The following DUOXA1 variants were observed in gnomAD, a reference collection of about 807,000 sequenced individuals.
DUOXA1 encodes the protein dual oxidase activator 1.
A neutral mutation model predicts 26.6 loss-of-function variants in DUOXA1; 19 were observed. The ratio of observed to expected loss-of-function variants is 0.71; its 90% CI spans 0.50 to 1.05. The LOEUF is 1.05. Ranked by LOEUF, DUOXA1 falls within the 50% of genes least tolerant of loss-of-function variation. DUOXA1 has a pLI of 0.00. For synonymous variants in DUOXA1, 166 were observed against 177.0 expected (o/e 0.94, Z 0.49); for missense variants, 403 against 427.5 (o/e 0.94, Z 0.51).
intron 3 of DUOXA1, among the ~76,000 whole-genome samples, chr15:45,125,254 G>A (rs1341131671): frequency 2.6e-5 from 4 of 152,104 alleles, no homozygotes. Flanking sequence ...CCATCCTCCT[G>A]GGCTCTAGCC....
In DUOXA1 at chr15:45,122,858, G is replaced by C; in HGVS notation, c.147+10C>G. ...CTCTGGGCTGGGGTCTCCAGGACTGGGTTTCTCACCGTCTTTCCCCGAATG... is the reference window on the plus strand; with the variant it reads ...CTCTGGGCTGGGGTCTCCAGGACTGCGTTTCTCACCGTCTTTCCCCGAATG... On this transcript the variant is annotated intron_variant, in intron 4 of 8. Coordinates refer to ENST00000560572, the MANE Select transcript of DUOXA1 (RefSeq NM_001276266.2). 1 of 1,604,238 alleles carries C rather than the reference G, an allele frequency of 6.2e-7. No individual in the cohort carries two copies. The highest frequency in any genetic ancestry group is 8.5e-7 in the Non-Finnish European group (1 of 1,175,694).
chr15:45,117,381 A>G lies in DUOXA1; in HGVS notation c.*1725T>C. 1 of 1,503,548 alleles carries G rather than the reference A, an allele frequency of 6.7e-7. No individual in the cohort carries two copies. Among genetic ancestry groups the G allele is most frequent in the Non-Finnish European group, 8.9e-7 (1 of 1,120,136 alleles). The allele number at this position is 1,503,548 out of a possible 1,614,324, so 93.1% of individuals were successfully genotyped here. ...ACACCGGGTGTGCACTTTCCAGTTT[A>G]CAGAATGAATTCACATCTATTACCC... is the stretch of plus-strand genomic sequence containing the variant. On this transcript the variant is annotated 3_prime_UTR_variant, in exon 9 of 9. Coordinates refer to ENST00000560572, the MANE Select transcript of DUOXA1 (RefSeq NM_001276266.2).
intron 3 of DUOXA1, among the ~76,000 whole-genome samples, chr15:45,128,543 A>T (rs1299298715): frequency 6.6e-6 from 1 of 152,226 alleles, no homozygotes; most frequent in East Asian, 1.9e-4. Context: ...CTCCTGTGCT[A>T]GACTTTCCTC....
In DUOXA1 at chr15:45,128,059, G is replaced by T. The variant is rs543817533; in HGVS notation, c.-30+959C>A. Among the ~76,000 whole-genome samples, 185 of 152,246 alleles carry T rather than the reference G, an allele frequency of 1.2e-3. 1 individual carries two copies. Among genetic ancestry groups the T allele is most frequent in the African/African-American group, 4.4e-3 (182 of 41,544 alleles). ...CTTTCTCACCTGGCCTAGGGAGGAG[G>T]AGGCAGCATCCTCCCTTTCCAGGCT... is the stretch of plus-strand genomic sequence containing the variant. On this transcript the variant is annotated intron_variant, in intron 3 of 8. Coordinates refer to ENST00000560572, the MANE Select transcript of DUOXA1 (RefSeq NM_001276266.2).
chr15:45,121,500 C>A (rs1895202738), intron 5 of DUOXA1, among the ~76,000 whole-genome samples: 1 of 152,202 alleles, frequency 6.6e-6, no homozygotes, highest in Non-Finnish European at 1.5e-5. Flanking sequence ...CCAGGCAAGG[C>A]AAACGCAGAT....
intron 3 of DUOXA1, among the ~76,000 whole-genome samples, chr15:45,126,567 C>G (rs1314658942): frequency 6.6e-6 from 1 of 152,240 alleles, no homozygotes; most frequent in Non-Finnish European, 1.5e-5. Context: ...ACAATGATTA[C>G]ATTGTACTCT....
Position 45,117,776 on chromosome 15 carries a change from C to G in DUOXA1, c.*1330G>C. 2 of 1,613,984 alleles carry G rather than the reference C, an allele frequency of 1.2e-6. No homozygotes were observed. Among genetic ancestry groups the G allele is most frequent in the Non-Finnish European group, 8.5e-7 (1 of 1,180,016 alleles). On this transcript the variant is annotated 3_prime_UTR_variant, in exon 9 of 9. Coordinates refer to ENST00000560572, the MANE Select transcript of DUOXA1 (RefSeq NM_001276266.2). ...AGTCTCCAGTATGTTCGGCCCAGCG[C>G]TCTTCGCACCCTTCTGGACCAAAGC...
Position 45,120,509 on chromosome 15 carries a change from A to T in DUOXA1, c.554+83T>A. On this transcript the variant is annotated intron_variant, in intron 7 of 8. Coordinates refer to ENST00000560572, the MANE Select transcript of DUOXA1 (RefSeq NM_001276266.2). Reference sequence around the variant, plus strand: ...AGGCCACCCCACCTGAGATACCCACATGAGTGGAGGAGAGATGGGTAGAAA... The same window carrying T: ...AGGCCACCCCACCTGAGATACCCACTTGAGTGGAGGAGAGATGGGTAGAAA... 7 of 1,522,016 alleles carry T rather than the reference A, an allele frequency of 4.6e-6. 1 individual carries two copies. Among genetic ancestry groups the T allele is most frequent in the Non-Finnish European group, 6.4e-6 (7 of 1,097,636 alleles). The allele number at this position is 1,522,016 out of a possible 1,614,324, so 94.3% of individuals were successfully genotyped here. A position where few individuals can be genotyped will look rare whatever the true frequency, so the allele number is the denominator to read the frequency against.
chr15:45,122,693 G>A (rs1232911028), intron 4 of DUOXA1, among the ~76,000 whole-genome samples, 175 bp downstream of exon 4: 4 of 152,064 alleles, frequency 2.6e-5, no homozygotes, highest in South Asian at 4.2e-4. Flanking sequence ...CCCCACCAGC[G>A]CTCAATAGTG....
In DUOXA1 at chr15:45,121,185, ACCTGG is replaced by A; in HGVS notation, c.237_241del (p.Val81HisfsTer11). The A allele has an allele frequency of 6.2e-7, 1 of 1,614,178 alleles. No individual in the cohort carries two copies. Among genetic ancestry groups the A allele is most frequent in the Non-Finnish European group, 8.5e-7 (1 of 1,180,022 alleles). On this transcript the variant is annotated frameshift_variant, in exon 6 of 9. Transcript: ENST00000560572. LOFTEE classifies it high-confidence loss of function. ...GGCCTTGTATGATGTGTTGGTGCTG[ACCTGG>A]CCCACAGACCACTCAGAACTGAAAT...
Position 45,117,523 on chromosome 15 carries a change from G to A in DUOXA1, c.*1583C>T, listed in dbSNP as rs1190702126. The A allele has an allele frequency of 1.9e-6, 3 of 1,556,896 alleles. No homozygotes were observed. The highest frequency in any genetic ancestry group is 2.3e-5 in the South Asian group (2 of 85,230). ...GCCGTGTTTCATGTAATTCAGATTA[G>A]AGGTGTGTGGCGGGAGGTAACACAA... On this transcript the variant is annotated 3_prime_UTR_variant, in exon 9 of 9. Coordinates refer to ENST00000560572, the MANE Select transcript of DUOXA1 (RefSeq NM_001276266.2).
intron 3 of DUOXA1, among the ~76,000 whole-genome samples, chr15:45,127,071 G>A (rs569930460): frequency 1.4e-4 from 21 of 152,186 alleles, no homozygotes; most frequent in African/African-American, 3.6e-4. Context: ...GTTTACTGAC[G>A]TAAGAATTCT....
At chr15:45,120,000 T>C (rs1288416661) in intron 8 of DUOXA1, 103 bp downstream of exon 8, 5 of 1,365,412 alleles carry the variant, frequency 3.7e-6, no homozygotes, top group Non-Finnish European at 5.2e-6. Context: ...AAAGCCATCC[T>C]GGCCTCCAGG....
chr15:45,118,250 G>A lies in DUOXA1; in HGVS notation c.*856C>T. ...GCGTCGACTCCAGAGTAATAGGGGC[G>A]CCCTCTAGTGAGGCCGGAGGGACCC... On this transcript the variant is annotated 3_prime_UTR_variant, in exon 9 of 9. Transcript: ENST00000560572. 7.2e-7 allele frequency: 1 copy of A among 1,391,134 alleles called. No individual in the cohort carries two copies. Among genetic ancestry groups the A allele is most frequent in the Non-Finnish European group, 9.3e-7 (1 of 1,079,278 alleles). The allele number at this position is 1,391,134 out of a possible 1,614,324, so 86.2% of individuals were successfully genotyped here.
Position 45,118,955 on chromosome 15 carries a change from G to A in DUOXA1, c.*151C>T. ...TGTTTTGTTTTGTTTTTTAACATCA[G>A]TATATAGAGCCTCCTTTTTCTACTC... On this transcript the variant is annotated 3_prime_UTR_variant, in exon 9 of 9. Transcript: ENST00000560572. 1 of 1,419,168 alleles carries A rather than the reference G, an allele frequency of 7.0e-7. No individual in the cohort carries two copies. The highest frequency in any genetic ancestry group is 9.2e-7 in the Non-Finnish European group (1 of 1,089,022). 87.9% of individuals were successfully genotyped at this position (1,419,168 alleles called of 1,614,324 possible). A position where few individuals can be genotyped will look rare whatever the true frequency, so the allele number is the denominator to read the frequency against.
chr15:45,128,837 C>G (rs1167579845), intron 3 of DUOXA1, 181 bp downstream of exon 3: 1 of 152,118 alleles, frequency 6.6e-6, no homozygotes, highest in Non-Finnish European at 1.5e-5. Context: ...AGTTTCTTAC[C>G]AAACTCTCTC....
At position 45,120,572 on chromosome 15, in the gene DUOXA1, C is replaced by T. The variant is rs368996883; in HGVS notation, c.554+20G>A. On this transcript the variant is annotated intron_variant, in intron 7 of 8. Transcript: ENST00000560572. Reference sequence around the variant, plus strand: ...ATCTAGGCTACCAGGGCCTCCACCCCGTCTCCTTCCCATCCTCACCATAGC... The same window carrying T: ...ATCTAGGCTACCAGGGCCTCCACCCTGTCTCCTTCCCATCCTCACCATAGC... 2.2e-5 allele frequency: 36 copies of T among 1,613,008 alleles called. No individual in the cohort carries two copies. The African/African-American group carries it at 2.7e-4, about 12-fold the overall frequency.
chr15:45,126,931 A>T (rs1337472491), intron 3 of DUOXA1, among the ~76,000 whole-genome samples: 1 of 152,254 alleles, frequency 6.6e-6, no homozygotes, highest in African/African-American at 2.4e-5. Flanking sequence ...ACAAAGACCC[A>T]AACATGAATT....
In DUOXA1 at chr15:45,117,661, G is replaced by T; in HGVS notation, c.*1445C>A. The T allele has an allele frequency of 5.0e-6, 8 of 1,613,740 alleles. No homozygotes were observed. The highest frequency in any genetic ancestry group is 5.9e-6 in the Non-Finnish European group (7 of 1,179,906). On this transcript the variant is annotated 3_prime_UTR_variant, in exon 9 of 9. Coordinates refer to ENST00000560572, the MANE Select transcript of DUOXA1 (RefSeq NM_001276266.2). ...AGGCCAGAGTTCGAGACCAGCCTGG[G>T]CAACATAGCCCTGACTCCACATGCC... is the stretch of plus-strand genomic sequence containing the variant.
Sources: gnomAD v4.1 joint callset for allele counts (sites outside exome capture counted in the v4.1 genomes callset) on GRCh38, gnomAD v4.1.1 for gene constraint, MANE v1.5 for transcripts, NCBI Gene and HGNC (gene_info 2026-07-23, HGNC 2026-07-21) for gene names.